OR3A2: variants seen among roughly 807,000 people sequenced by gnomAD.
OR3A2 encodes olfactory receptor 3A2.
For missense variants in OR3A2, 318 were observed against 392.8 expected (o/e 0.81, Z 1.61); for synonymous variants, 126 against 159.3 (o/e 0.79, Z 1.57).
At chr17:3,341,371 C>A (rs1385660871) in intron 2 of OR3A2, among the ~76,000 whole-genome samples, 1 of 152,212 alleles carries the variant, frequency 6.6e-6, no homozygotes, top group Admixed American at 6.5e-5. Context: ...ATGGTCTTTA[C>A]AATTTGGCAT....
chr17:3,371,188 G>A (rs1261520622), intron 2 of OR3A2, among the ~76,000 whole-genome samples: 2 of 151,902 alleles, frequency 1.3e-5, no homozygotes, highest in Non-Finnish European at 2.9e-5. Flanking sequence ...TCCCAGTAGG[G>A]GCGGCCGGGC....
intron 3 of OR3A2, among the ~76,000 whole-genome samples, chr17:3,304,142 G>A (rs2048985571): frequency 6.6e-6 from 1 of 152,052 alleles, no homozygotes; most frequent in Non-Finnish European, 1.5e-5. Context: ...CAACCTGTGT[G>A]ATGGCTGGTG....
intron 2 of OR3A2, among the ~76,000 whole-genome samples, chr17:3,375,021 C>A (rs2049667434): frequency 6.6e-6 from 1 of 151,276 alleles, no homozygotes; most frequent in Non-Finnish European, 1.5e-5. Flanking sequence ...ATTTTTCATT[C>A]ATATCCTGTA....
At chr17:3,360,628 C>T (rs1280765969) in intron 2 of OR3A2, among the ~76,000 whole-genome samples, 3 of 151,712 alleles carry the variant, frequency 2.0e-5, no homozygotes, top group Admixed American at 2.0e-4. Context: ...TTTCAGCTTT[C>T]TACATATGGC....
intron 2 of OR3A2, among the ~76,000 whole-genome samples, chr17:3,338,528 A>G (rs1382000653): frequency 6.6e-6 from 1 of 152,200 alleles, no homozygotes; most frequent in Admixed American, 6.5e-5. Context: ...TTAAATAGGG[A>G]ATCCTTTCCC....
intron 2 of OR3A2, among the ~76,000 whole-genome samples, chr17:3,344,072 T>C (rs2049343395): frequency 1.3e-5 from 2 of 152,226 alleles, no homozygotes; most frequent in Non-Finnish European, 2.9e-5. Context: ...CTCAGTGATA[T>C]ACAGGAGTGC....
At chr17:3,299,839 G>GGGTT (rs1183368604) in intron 3 of OR3A2, among the ~76,000 whole-genome samples, 1 of 152,162 alleles carries the variant, frequency 6.6e-6, no homozygotes, top group Non-Finnish European at 1.5e-5. Flanking sequence ...CAACCACAGA[G>GGGTT]GGTTGGTCTA....
At chr17:3,360,110 A>T (rs2049498416) in intron 2 of OR3A2, among the ~76,000 whole-genome samples, 1 of 151,810 alleles carries the variant, frequency 6.6e-6, no homozygotes, top group African/African-American at 2.4e-5. Flanking sequence ...AATGATTGCC[A>T]TTCTAACTGG....
chr17:3,330,034 C>A (rs531129796), intron 3 of OR3A2, among the ~76,000 whole-genome samples: 1 of 147,330 alleles, frequency 6.8e-6, no homozygotes, highest in South Asian at 2.1e-4. Flanking sequence ...GAGTGAGATT[C>A]TTAATCCTGA....
intron 2 of OR3A2, among the ~76,000 whole-genome samples, chr17:3,353,423 C>T (rs2150655145): frequency 1.3e-5 from 2 of 152,006 alleles, no homozygotes; most frequent in Admixed American, 1.3e-4. Context: ...AGTGGACATT[C>T]TCGCTGTATT....
chr17:3,295,026 C>A (rs2048908342), intron 3 of OR3A2, among the ~76,000 whole-genome samples: 1 of 151,870 alleles, frequency 6.6e-6, no homozygotes, highest in Non-Finnish European at 1.5e-5. Context: ...AGGAACTCTG[C>A]AGTCTATAAA....
chr17:3,350,706 C>A (rs1388848080), intron 2 of OR3A2, among the ~76,000 whole-genome samples: 1 of 151,394 alleles, frequency 6.6e-6, no homozygotes, highest in African/African-American at 2.4e-5. Flanking sequence ...ATCCTGATAC[C>A]AAAGCCGGGC....
chr17:3,350,033 G>A (rs1567564116), intron 2 of OR3A2, among the ~76,000 whole-genome samples: 1 of 142,220 alleles, frequency 7.0e-6, no homozygotes, highest in Non-Finnish European at 1.5e-5. Context: ...ATTCAAAGCA[G>A]TGTGTAGAGG....
chr17:3,281,751 C>T (rs1241817789), intron 1 of OR3A2, among the ~76,000 whole-genome samples: 4 of 152,112 alleles, frequency 2.6e-5, no homozygotes, highest in African/African-American at 9.7e-5. Context: ...ATTTAAGATA[C>T]CTTGCAAAGG....
chr17:3,278,414 C>A (rs767184057), exon 2 of OR3A2: 2 of 1,614,064 alleles, frequency 1.2e-6, no homozygotes, highest in African/African-American at 2.7e-5. Flanking sequence ...AGAAGTTGAG[C>A]GTGGACATGG....
intron 3 of OR3A2, among the ~76,000 whole-genome samples, chr17:3,325,494 G>C (rs1010038232): frequency 2.2e-4 from 33 of 152,038 alleles, no homozygotes; most frequent in African/African-American, 7.7e-4. Context: ...ACAGGAGTGA[G>C]CCACCCCACC....
intron 3 of OR3A2, among the ~76,000 whole-genome samples, chr17:3,330,943 A>T (rs1337123441): frequency 1.3e-5 from 2 of 151,934 alleles, no homozygotes; most frequent in African/African-American, 4.8e-5. Context: ...GCTTGTCTGT[A>T]AAGGATTTTA....
intron 2 of OR3A2, among the ~76,000 whole-genome samples, chr17:3,372,998 T>A (rs2049646182): frequency 6.6e-6 from 1 of 152,188 alleles, no homozygotes; most frequent in Admixed American, 6.5e-5. Context: ...TTTCATAGGT[T>A]GTGTCACTCT....
exon 2 of OR3A2, chr17:3,277,960 C>A: frequency 6.3e-7 from 1 of 1,584,836 alleles, no homozygotes; most frequent in Non-Finnish European, 8.6e-7. Flanking sequence ...AGGAGGGACC[C>A]CATTACCTCT....
Sources: gnomAD v4.1 joint callset for allele counts (sites outside exome capture counted in the v4.1 genomes callset) on GRCh38, gnomAD v4.1.1 for gene constraint, MANE v1.5 for transcripts, NCBI Gene and HGNC (gene_info 2026-07-23, HGNC 2026-07-21) for gene names.